The following SLC9A9 variants were observed in gnomAD, a reference collection of about 807,000 sequenced individuals.
The protein encoded by SLC9A9 is solute carrier family 9 member A9.
A neutral mutation model predicts 77.8 loss-of-function variants in SLC9A9; 62 were observed. The observed-to-expected ratio is 0.80, with a 90% CI of 0.65 to 0.98. SLC9A9 has a LOEUF of 0.98. SLC9A9 is among the 50% of genes least tolerant of loss of function. SLC9A9 has a pLI of 0.00. For synonymous variants in SLC9A9, 320 were observed against 283.5 expected, an observed-to-expected ratio of 1.13 and a Z score of -1.29; for missense variants, 775 against 774.9, an observed-to-expected ratio of 1.00 and a Z score of 0.00.
intron 4 of SLC9A9, among the ~76,000 whole-genome samples, chr3:143,748,325 C>T (rs1935247179): frequency 6.6e-6 from 1 of 152,140 alleles, no homozygotes; most frequent in Non-Finnish European, 1.5e-5. Context: ...AAACTGATGC[C>T]ATCACCAAAG....
chr3:143,449,902 TATAATATAATATTAC>T (rs1559921842), intron 12 of SLC9A9, among the ~76,000 whole-genome samples: 7 of 63,308 alleles, frequency 1.1e-4, no homozygotes, highest in Admixed American at 6.2e-4. Flanking sequence ...TTATATAACA[TATAATATAATATTAC>T]ATAATATATA....
At chr3:143,810,827 A>G (rs1225007168) in intron 2 of SLC9A9, among the ~76,000 whole-genome samples, 1 of 152,234 alleles carries the variant, frequency 6.6e-6, no homozygotes, top group Non-Finnish European at 1.5e-5. Context: ...GATATATTAT[A>G]GAGAGACTGA....
chr3:143,518,847 G>C (rs2036247411), intron 9 of SLC9A9, among the ~76,000 whole-genome samples: 1 of 152,136 alleles, frequency 6.6e-6, no homozygotes, highest in Non-Finnish European at 1.5e-5. Flanking sequence ...GTGGAACTTT[G>C]ACTATTCTTG....
chr3:143,585,091 T>C (rs549302643), intron 6 of SLC9A9, among the ~76,000 whole-genome samples: 1 of 152,336 alleles, frequency 6.6e-6, no homozygotes, highest in African/African-American at 2.4e-5. Context: ...GTTGGCATGA[T>C]GGCACCTCCA....
At chr3:143,408,312 C>A (rs553994264) in intron 12 of SLC9A9, among the ~76,000 whole-genome samples, 55 of 152,188 alleles carry the variant, frequency 3.6e-4, no homozygotes, top group African/African-American at 1.2e-3. Flanking sequence ...GTCTTTGGAC[C>A]ACATATTGCA....
intron 9 of SLC9A9, among the ~76,000 whole-genome samples, chr3:143,514,917 T>C (rs912384603): frequency 3.9e-5 from 6 of 152,362 alleles, no homozygotes; most frequent in Middle Eastern, 3.4e-3. Flanking sequence ...AAACTTTTCC[T>C]TTGCATCAAT....
At chr3:143,815,247 TA>T (rs925356285) in intron 2 of SLC9A9, among the ~76,000 whole-genome samples, 1 of 152,104 alleles carries the variant, frequency 6.6e-6, no homozygotes, top group Non-Finnish European at 1.5e-5. Flanking sequence ...GTTTTCATAG[TA>T]AAAAAATTAA....
chr3:143,788,040 A>G (rs1394775317), intron 4 of SLC9A9, among the ~76,000 whole-genome samples: 1 of 152,114 alleles, frequency 6.6e-6, no homozygotes, highest in African/African-American at 2.4e-5. Flanking sequence ...GCAGGGATAG[A>G]TTATAAACCA....
At chr3:143,283,537 G>T (rs1938287229) in intron 14 of SLC9A9, among the ~76,000 whole-genome samples, 1 of 152,166 alleles carries the variant, frequency 6.6e-6, no homozygotes, top group African/African-American at 2.4e-5. Flanking sequence ...CAGATAACTG[G>T]CTCCTCAGGC....
Position 143,266,860 on chromosome 3 carries a change from G to A in SLC9A9, c.1780C>T (p.Gln594Ter). 6.2e-7 allele frequency: 1 copy of A among 1,614,186 alleles called. No individual in the cohort carries two copies. The highest frequency in any genetic ancestry group is 2.2e-5 in the East Asian group (1 of 44,872). The change falls in exon 16 of 16, where the codon CAA becomes TAA. Residue 594 changes from glutamine (Q) to a stop codon, truncating the protein, a stop_gained. Coordinates refer to ENST00000316549, the MANE Select transcript of SLC9A9 (RefSeq NM_173653.4). LOFTEE classifies it high-confidence loss of function. ...GGAGGACTGCAGGGTGAGGAGGCTT[G>A]CTCCTGGTAATTTATGGCTAGTTCA... ...QDELAINYQEQASSPCSPPAR... is the reference protein window; with the variant it reads ...QDELAINYQE
chr3:143,541,274 G>A (rs1228183890), intron 9 of SLC9A9, among the ~76,000 whole-genome samples: 3 of 152,044 alleles, frequency 2.0e-5, no homozygotes, highest in Non-Finnish European at 4.4e-5. Context: ...TTCACATCAC[G>A]AGGACACCCA....
intron 12 of SLC9A9, among the ~76,000 whole-genome samples, chr3:143,425,572 A>G (rs910510813): frequency 1.4e-4 from 21 of 152,120 alleles, no homozygotes; most frequent in African/African-American, 4.8e-4. Context: ...TTGGGTACTT[A>G]ATGTCAAACT....
chr3:143,322,577 G>A (rs2031455045), intron 14 of SLC9A9, among the ~76,000 whole-genome samples: 1 of 151,974 alleles, frequency 6.6e-6, no homozygotes, highest in Non-Finnish European at 1.5e-5. Flanking sequence ...CTGTTTCTCT[G>A]GAGAAATTTG....
intron 6 of SLC9A9, among the ~76,000 whole-genome samples, chr3:143,644,376 G>T (rs1322827355): frequency 6.6e-6 from 1 of 152,208 alleles, no homozygotes; most frequent in Non-Finnish European, 1.5e-5. Flanking sequence ...CTAAGTTACG[G>T]GGTAGAGTTC....
At chr3:143,321,847 G>C (rs2031432301) in intron 14 of SLC9A9, among the ~76,000 whole-genome samples, 1 of 152,132 alleles carries the variant, frequency 6.6e-6, no homozygotes, top group Non-Finnish European at 1.5e-5. Context: ...ACTTGTTTAG[G>C]CTATAGACCC....
intron 14 of SLC9A9, among the ~76,000 whole-genome samples, chr3:143,353,976 AAATATT>A (rs1380428844): frequency 6.6e-6 from 1 of 152,186 alleles, no homozygotes; most frequent in African/African-American, 2.4e-5. Context: ...AAAAAGTATA[AAATATT>A]AACAAGAGAG....
At chr3:143,344,448 A>T (rs1039900673) in intron 14 of SLC9A9, 2 of 152,168 alleles carry the variant, frequency 1.3e-5, no homozygotes, top group Non-Finnish European at 2.9e-5. Context: ...TAATATATTA[A>T]GAGACACCTC....
At chr3:143,344,229 G>A (rs927141546) in intron 14 of SLC9A9, among the ~76,000 whole-genome samples, 4 of 152,124 alleles carry the variant, frequency 2.6e-5, no homozygotes, top group African/African-American at 4.8e-5. Context: ...TTTCATATGG[G>A]TGCAAGAGTT....
chr3:143,326,079 T>C (rs1032265707), intron 14 of SLC9A9, among the ~76,000 whole-genome samples: 3 of 152,184 alleles, frequency 2.0e-5, no homozygotes, highest in African/African-American at 7.2e-5. Flanking sequence ...CAATAAAAAG[T>C]TATTAGCAAT....
Sources: gnomAD v4.1 joint callset for allele counts (sites outside exome capture counted in the v4.1 genomes callset) on GRCh38, gnomAD v4.1.1 for gene constraint, MANE v1.5 for transcripts, NCBI Gene and HGNC (gene_info 2026-07-23, HGNC 2026-07-21) for gene names.